CWF19L1: variants seen among roughly 807,000 people sequenced by gnomAD.
CWF19L1 encodes CWF19 like cell cycle control factor 1.
CWF19L1 carries 60 observed loss-of-function variants against 69.7 expected under a neutral mutation model. That is an observed-to-expected ratio of 0.86 (90% CI 0.70 to 1.07). The LOEUF is 1.07. Ranked by LOEUF, CWF19L1 falls within the 50% of genes least tolerant of loss-of-function variation. CWF19L1 has a pLI of 0.00. For missense variants in CWF19L1, 591 were observed against 638.9 expected (o/e 0.92, Z 0.81); for synonymous variants, 209 against 222.2 (o/e 0.94, Z 0.53).
At chr10:100,253,219 C>G (rs954514617) in intron 6 of CWF19L1, among the ~76,000 whole-genome samples, 1 of 152,160 alleles carries the variant, frequency 6.6e-6, no homozygotes, top group Non-Finnish European at 1.5e-5. Flanking sequence ...GTTCTTGATT[C>G]TGAAACTGAA....
rs558977055 is a variant in CWF19L1 at position 100,253,783 on chromosome 10, C to G, written c.505-244G>C. The G allele has an allele frequency of 1.3e-4, 53 of 403,422 alleles. No homozygotes were observed. In the Admixed American group the frequency reaches 2.2e-3, roughly 17 times the overall value. The allele number at this position is 403,422 out of a possible 1,614,324, so 25.0% of individuals were successfully genotyped here. On this transcript the variant is annotated intron_variant, in intron 5 of 13. Transcript: ENST00000354105. ...GGAAGCCAGAGATTAAAAGGTAACT[C>G]CTCCATATCAATACCCAAAACACAA...
At position 100,253,476 on chromosome 10, in the gene CWF19L1, G is replaced by C; in HGVS notation, c.568C>G (p.Pro190Ala). ...TCCAAAGCAGCAAAATGGTATCTTG[G>C]TTTCAAGCCCGTGGCAAGACTGGAA... ...LVSSLATGLKPRYHFAALEKT... is the reference protein window; with the variant it reads ...LVSSLATGLKARYHFAALEKT... The change falls in exon 6 of 14, where the codon CCA (proline) becomes GCA (alanine). Residue 190 changes from proline (P) to alanine (A), a missense_variant. Physicochemically the swap from Pro to Ala is conservative, Grantham distance 27 (BLOSUM62 -1). Around this residue, in one of 3 missense-constraint regions of CWF19L1, gnomAD observed 458 missense variants for 489.3 expected, o/e 0.94. Coordinates refer to ENST00000354105, the MANE Select transcript of CWF19L1 (RefSeq NM_018294.6). The C allele has an allele frequency of 6.2e-7, 1 of 1,614,088 alleles. No homozygotes were observed. The highest frequency in any genetic ancestry group is 8.5e-7 in the Non-Finnish European group (1 of 1,179,960).
At chr10:100,252,321 G>T (rs76995884) in intron 6 of CWF19L1, among the ~76,000 whole-genome samples, 2 of 151,964 alleles carry the variant, frequency 1.3e-5, no homozygotes, top group Non-Finnish European at 2.9e-5. Flanking sequence ...TGTAGTCCCA[G>T]CTACTCAGGA....
At chr10:100,240,338 A>C (rs1348649171) in intron 10 of CWF19L1, among the ~76,000 whole-genome samples, 1 of 152,176 alleles carries the variant, frequency 6.6e-6, no homozygotes, top group Admixed American at 6.5e-5. Context: ...AGAGAAAGCC[A>C]GGGAAAAAAT....
chr10:100,267,546 G>C, intron 1 of CWF19L1, 25 bp downstream of exon 1: 1 of 1,614,200 alleles, frequency 6.2e-7, no homozygotes. Flanking sequence ...CACAGGGAGA[G>C]AGGCTTCCAT....
chr10:100,248,130 A>AAAATACT (rs1846891791), intron 7 of CWF19L1: 2 of 544,850 alleles, frequency 3.7e-6, no homozygotes, highest in Non-Finnish European at 6.7e-6. Flanking sequence ...ATTCAGTTTG[A>AAAATACT]AAGGGCAATT....
intron 7 of CWF19L1, chr10:100,248,426 C>T (rs1334249246): frequency 1.4e-6 from 1 of 708,058 alleles, no homozygotes; most frequent in Admixed American, 2.0e-5. Context: ...AAGGGACTCA[C>T]TTTCTCATTC....
chr10:100,267,029 A>G (rs1847617467), intron 1 of CWF19L1, among the ~76,000 whole-genome samples: 1 of 151,480 alleles, frequency 6.6e-6, no homozygotes, highest in Non-Finnish European at 1.5e-5. Context: ...ACGCTCCATT[A>G]AAGCAGGAAC....
At chr10:100,245,165 G>A (rs1014400212) in intron 9 of CWF19L1, among the ~76,000 whole-genome samples, 1 of 151,910 alleles carries the variant, frequency 6.6e-6, no homozygotes, top group South Asian at 2.1e-4. Context: ...TGGGACTACA[G>A]GACCGTGCCA....
intron 4 of CWF19L1, among the ~76,000 whole-genome samples, chr10:100,258,885 TGAA>T (rs1172581856): frequency 7.0e-6 from 1 of 142,778 alleles, no homozygotes; most frequent in Non-Finnish European, 1.5e-5. Flanking sequence ...GGAGGAAATG[TGAA>T]GAATAGTAAA....
intron 1 of CWF19L1, among the ~76,000 whole-genome samples, chr10:100,266,188 A>G (rs913582803): frequency 2.4e-5 from 3 of 126,986 alleles, no homozygotes; most frequent in African/African-American, 9.1e-5. Flanking sequence ...CCACTATTGC[A>G]ATTTTTTTTT....
intron 4 of CWF19L1, 22 bp from the exon 5 acceptor site, chr10:100,256,498 C>A: frequency 1.2e-6 from 2 of 1,603,622 alleles, no homozygotes; most frequent in Non-Finnish European, 1.7e-6. Context: ...GAAAAATGAA[C>A]AAATTTTAGT....
At chr10:100,233,855 A>G (rs549657719) in intron 13 of CWF19L1, 19 of 152,374 alleles carry the variant, frequency 1.2e-4, no homozygotes, top group African/African-American at 4.6e-4. Flanking sequence ...AACCTGCCTT[A>G]AACTGTAGTT....
intron 10 of CWF19L1, among the ~76,000 whole-genome samples, chr10:100,239,685 C>T (rs1846576264): frequency 6.6e-6 from 1 of 152,088 alleles, no homozygotes; most frequent in Non-Finnish European, 1.5e-5. Flanking sequence ...GTGTGGTGGG[C>T]TCAAAGTTAA....
intron 10 of CWF19L1, among the ~76,000 whole-genome samples, chr10:100,238,527 G>A (rs528656353): frequency 1.8e-4 from 28 of 152,254 alleles, no homozygotes; most frequent in Admixed American, 1.7e-3. Context: ...ACTGAGCTGA[G>A]GGAGACCAGA....
intron 10 of CWF19L1, among the ~76,000 whole-genome samples, chr10:100,241,576 T>C (rs1195679696): frequency 6.6e-6 from 1 of 152,246 alleles, no homozygotes; most frequent in Non-Finnish European, 1.5e-5. Context: ...TTAGTCCATC[T>C]TGTGTTGCTA....
intron 10 of CWF19L1, among the ~76,000 whole-genome samples, chr10:100,238,664 T>G (rs573104858): frequency 1.5e-4 from 23 of 152,274 alleles, no homozygotes; most frequent in African/African-American, 5.5e-4. Context: ...GGATAGTGGC[T>G]CACGCTTGTA....
chr10:100,242,843 C>T (rs1427219463), intron 10 of CWF19L1, among the ~76,000 whole-genome samples: 1 of 152,122 alleles, frequency 6.6e-6, no homozygotes, highest in Non-Finnish European at 1.5e-5. Flanking sequence ...TCATCACTCT[C>T]AATTAGACGG....
Position 100,260,333 on chromosome 10 carries a change from C to A in CWF19L1, c.188-14G>T. The A allele has an allele frequency of 7.1e-7, 1 of 1,414,154 alleles. No homozygotes were observed. Among genetic ancestry groups the A allele is most frequent in the Non-Finnish European group, 1.0e-6 (1 of 1,001,710 alleles). The allele number at this position is 1,414,154 out of a possible 1,614,324, so 87.6% of individuals were successfully genotyped here. A position where few individuals can be genotyped will look rare whatever the true frequency, so the allele number is the denominator to read the frequency against. On this transcript the variant is annotated splice_polypyrimidine_tract_variant and intron_variant, in intron 3 of 13. Transcript: ENST00000354105. ...TCTGAATAGGAGCTAGTGAGGGAAA[C>A]AGACATGACACCATATAGTTACCAG...
Sources: allele counts gnomAD v4.1 joint callset (sites outside exome capture counted in the v4.1 genomes callset), GRCh38; gene constraint gnomAD v4.1.1; regional missense constraint gnomAD v4.1.1; transcripts MANE v1.5; gene names NCBI Gene and HGNC (gene_info 2026-07-23, HGNC 2026-07-21).